NEK7: variants seen among roughly 807,000 people sequenced by gnomAD.
NEK7 encodes NIMA related kinase 7.
Under a neutral mutation model 44.6 loss-of-function variants are expected in NEK7, and 18 were observed. The observed-to-expected ratio is 0.40, with a 90% CI of 0.28 to 0.60. The LOEUF is 0.60. Among genes scored for constraint, NEK7 ranks in the 20% least tolerant of loss-of-function variants. The probability of loss-of-function intolerance (pLI) is 0.38; values close to 1 mark genes in which losing one functional copy is unlikely to be tolerated. For missense variants in NEK7, 256 were observed against 366.5 expected (o/e 0.70, Z 2.46); for synonymous variants, 130 against 121.1 (o/e 1.07, Z -0.48).
chr1:198,211,382 A>G (rs1000807705), intron 1 of NEK7, among the ~76,000 whole-genome samples: 1 of 152,204 alleles, frequency 6.6e-6, no homozygotes, highest in Non-Finnish European at 1.5e-5. Flanking sequence ...TGAAAACCCT[A>G]TACACAATTC....
intron 1 of NEK7, among the ~76,000 whole-genome samples, chr1:198,212,154 C>A (rs1298381110): frequency 1.3e-5 from 2 of 151,898 alleles, no homozygotes; most frequent in African/African-American, 4.8e-5. Context: ...AGGCTCCGGT[C>A]ACAGGTTGAG....
At chr1:198,217,857 GC>G (rs960182458) in intron 1 of NEK7, among the ~76,000 whole-genome samples, 5 of 119,532 alleles carry the variant, frequency 4.2e-5, no homozygotes, top group African/African-American at 1.3e-4. Context: ...AAAAAAAAAA[GC>G]CCCAAGCCTA....
intron 3 of NEK7, chr1:198,256,216 G>C: frequency 2.4e-6 from 3 of 1,260,260 alleles, no homozygotes; most frequent in Non-Finnish European, 3.2e-6. Context: ...ATACCATCCA[G>C]AATCCTCAGC....
At chr1:198,159,137 G>T (rs1417308443) in intron 1 of NEK7, among the ~76,000 whole-genome samples, 4 of 152,226 alleles carry the variant, frequency 2.6e-5, no homozygotes, top group Non-Finnish European at 4.4e-5. Context: ...TCCGCCCTCC[G>T]GAGTACTGAC....
At chr1:198,178,988 A>AT (rs1408017626) in intron 1 of NEK7, among the ~76,000 whole-genome samples, 2 of 148,402 alleles carry the variant, frequency 1.3e-5, no homozygotes, top group East Asian at 3.9e-4. Context: ...ATACCATTTG[A>AT]TACCCCCCCC....
intron 1 of NEK7, among the ~76,000 whole-genome samples, chr1:198,178,066 C>T (rs987071814): frequency 6.6e-6 from 1 of 151,992 alleles, no homozygotes; most frequent in Non-Finnish European, 1.5e-5. Context: ...CTATGTGCTG[C>T]TTTCAAAAGA....
chr1:198,293,834 A>G (rs1376043990), intron 8 of NEK7, among the ~76,000 whole-genome samples: 1 of 151,910 alleles, frequency 6.6e-6, no homozygotes, highest in African/African-American at 2.4e-5. Context: ...AGGAAATGTA[A>G]TACATGGAAG....
At chr1:198,211,313 G>A (rs1203563885) in intron 1 of NEK7, among the ~76,000 whole-genome samples, 1 of 152,098 alleles carries the variant, frequency 6.6e-6, no homozygotes, top group Non-Finnish European at 1.5e-5. Context: ...TATTATTATA[G>A]GAAATTATGT....
chr1:198,294,886 G>A (rs1340292697), intron 8 of NEK7, among the ~76,000 whole-genome samples: 2 of 151,884 alleles, frequency 1.3e-5, no homozygotes, highest in African/African-American at 4.8e-5. Flanking sequence ...TTAAATTTAT[G>A]TTCTATTTCC....
At chr1:198,173,448 G>A (rs1028031004) in intron 1 of NEK7, among the ~76,000 whole-genome samples, 3 of 149,384 alleles carry the variant, frequency 2.0e-5, no homozygotes, top group South Asian at 2.1e-4. Context: ...AAAAAAAAAA[G>A]GACAGCTTTT....
intron 1 of NEK7, among the ~76,000 whole-genome samples, chr1:198,164,786 A>G (rs1664217079): frequency 6.6e-6 from 1 of 152,152 alleles, no homozygotes; most frequent in Non-Finnish European, 1.5e-5. Flanking sequence ...AAAGTAGACA[A>G]CCATAAAGCT....
chr1:198,160,826 C>G (rs1571490507), intron 1 of NEK7, among the ~76,000 whole-genome samples: 1 of 152,124 alleles, frequency 6.6e-6, no homozygotes, highest in African/African-American at 2.4e-5. Context: ...TATAAAACTT[C>G]TAAACTGCTG....
intron 1 of NEK7, 79 bp downstream of exon 1, chr1:198,157,355 G>C (rs1207354600): frequency 1.3e-5 from 2 of 152,304 alleles, no homozygotes; most frequent in African/African-American, 2.4e-5. Flanking sequence ...GTCGGGCCGG[G>C]AGAGGGAGGT....
Position 198,250,788 on chromosome 1 carries a change from A to G in NEK7, c.58-2252A>G, listed in dbSNP as rs548090366. On this transcript the variant is annotated intron_variant, in intron 2 of 9. Coordinates refer to ENST00000367385, the MANE Select transcript of NEK7 (RefSeq NM_133494.3). ...GCTTAAGGAGATTTTGGGCTGAGAC[A>G]ATGGGGTTTTCTAGATATACAATCA... Among the ~76,000 whole-genome samples the G allele has an allele frequency of 4.1e-5, 6 of 145,984 alleles. No homozygotes were observed. The East Asian group carries it at 6.1e-4, about 15-fold the overall frequency.
At chr1:198,158,957 G>A (rs187715444) in intron 1 of NEK7, among the ~76,000 whole-genome samples, 15 of 152,236 alleles carry the variant, frequency 9.9e-5, no homozygotes, top group African/African-American at 2.9e-4. Flanking sequence ...TGTATGGGGT[G>A]AGAGGAAGGC....
intron 1 of NEK7, among the ~76,000 whole-genome samples, chr1:198,209,236 A>G (rs1356664684): frequency 1.3e-5 from 2 of 150,758 alleles, no homozygotes; most frequent in Non-Finnish European, 2.9e-5. Flanking sequence ...AAGACTGCCT[A>G]TACTCTTTTT....
intron 2 of NEK7, among the ~76,000 whole-genome samples, chr1:198,249,431 G>T (rs1387154279): frequency 6.6e-6 from 1 of 151,598 alleles, no homozygotes; most frequent in African/African-American, 2.4e-5. Context: ...GGGTCAAATG[G>T]TATTTCTAGT....
chr1:198,304,103 A>G (rs1654962546), intron 9 of NEK7, among the ~76,000 whole-genome samples: 1 of 152,130 alleles, frequency 6.6e-6, no homozygotes, highest in Non-Finnish European at 1.5e-5. Context: ...TTGTTCACCT[A>G]TGCTTCTGAA....
At chr1:198,246,200 C>T (rs968452301) in intron 2 of NEK7, among the ~76,000 whole-genome samples, 5 of 152,156 alleles carry the variant, frequency 3.3e-5, no homozygotes, top group African/African-American at 1.2e-4. Context: ...AGGAGACCTC[C>T]TCTTATACAA....
Sources: allele counts gnomAD v4.1 joint callset (sites outside exome capture counted in the v4.1 genomes callset), GRCh38; gene constraint gnomAD v4.1.1; transcripts MANE v1.5; gene names NCBI Gene and HGNC (gene_info 2026-07-23, HGNC 2026-07-21).